The following KCNJ15 variants were observed in gnomAD, a reference collection of about 807,000 sequenced individuals.
KCNJ15 encodes potassium inwardly rectifying channel subfamily J member 15.
Under a neutral mutation model 23.0 loss-of-function variants are expected in KCNJ15, and 14 were observed. That is an observed-to-expected ratio of 0.61 (90% CI 0.40 to 0.95). The LOEUF is 0.95. Ranked by LOEUF, KCNJ15 falls within the 40% of genes least tolerant of loss-of-function variation. KCNJ15 has a pLI of 0.00. For missense variants in KCNJ15, 388 were observed against 461.8 expected (o/e 0.84, Z 1.46); for synonymous variants, 185 against 183.2 (o/e 1.01, Z -0.08).
intron 1 of KCNJ15, among the ~76,000 whole-genome samples, chr21:38,240,269 CA>C (rs1978904147): frequency 6.6e-6 from 1 of 152,080 alleles, no homozygotes; most frequent in Non-Finnish European, 1.5e-5. Context: ...AGAATAAAAA[CA>C]AGGAGGAATT....
intron 1 of KCNJ15, chr21:38,238,093 G>A: frequency 3.0e-6 from 1 of 334,524 alleles, no homozygotes; most frequent in Non-Finnish European, 5.8e-6. Flanking sequence ...AAGGGAGGCA[G>A]TGAGTATGGC....
chr21:38,253,401 CTAT>C (rs1288911954), upstream of KCNJ15, among the ~76,000 whole-genome samples: 2 of 152,098 alleles, frequency 1.3e-5, no homozygotes, highest in East Asian at 3.9e-4. Flanking sequence ...CAAGACTCAC[CTAT>C]ATTCCAAGGA....
intron 1 of KCNJ15, among the ~76,000 whole-genome samples, chr21:38,258,057 TTACCTG>T (rs948371569): frequency 1.3e-5 from 2 of 152,190 alleles, no homozygotes; most frequent in African/African-American, 2.4e-5. Flanking sequence ...TTTTTCCCCT[TTACCTG>T]TAAGAGGGAT....
intron 1 of KCNJ15, among the ~76,000 whole-genome samples, chr21:38,234,959 G>A (rs996034868): frequency 3.9e-5 from 6 of 152,204 alleles, no homozygotes; most frequent in Non-Finnish European, 8.8e-5. Flanking sequence ...GGTTGGGTGT[G>A]TTGCTAGATC....
chr21:38,249,733 G>A (rs1979697550), intron 1 of KCNJ15, among the ~76,000 whole-genome samples: 1 of 152,142 alleles, frequency 6.6e-6, no homozygotes, highest in Non-Finnish European at 1.5e-5. Context: ...AGACAGTCAA[G>A]GAGAAGAAAA....
chr21:38,264,682 T>C (rs574996221), intron 1 of KCNJ15, among the ~76,000 whole-genome samples: 1 of 152,336 alleles, frequency 6.6e-6, no homozygotes, highest in East Asian at 1.9e-4. Flanking sequence ...TTTGAAAATA[T>C]GTGTATGTGA....
At chr21:38,277,174 C>T (rs1982805989) in intron 1 of KCNJ15, among the ~76,000 whole-genome samples, 1 of 152,032 alleles carries the variant, frequency 6.6e-6, no homozygotes, top group Non-Finnish European at 1.5e-5. Context: ...TAAGACTCGG[C>T]ATCTTTGATT....
intron 1 of KCNJ15, among the ~76,000 whole-genome samples, chr21:38,285,264 G>A (rs192167530): frequency 1.6e-4 from 25 of 152,130 alleles, no homozygotes; most frequent in African/African-American, 5.8e-4. Context: ...TTTATTTGTC[G>A]TATGCATATG....
intron 1 of KCNJ15, among the ~76,000 whole-genome samples, chr21:38,240,374 A>G (rs1449346080): frequency 6.6e-6 from 1 of 152,236 alleles, no homozygotes; most frequent in African/African-American, 2.4e-5. Flanking sequence ...ATGGTTAAAA[A>G]GTAGCTAGGA....
chr21:38,255,175 T>C (rs1303670899), upstream of KCNJ15, among the ~76,000 whole-genome samples: 2 of 152,140 alleles, frequency 1.3e-5, no homozygotes, highest in Non-Finnish European at 2.9e-5. Context: ...CCAGATCAGA[T>C]AAGGACCTCC....
chr21:38,268,462 CT>C (rs1981697553), intron 1 of KCNJ15, among the ~76,000 whole-genome samples: 2 of 141,720 alleles, frequency 1.4e-5, no homozygotes, highest in African/African-American at 5.1e-5. Flanking sequence ...CCTAAATTTT[CT>C]TAGCAAAAGT....
At chr21:38,256,314 A>G (rs928712247), upstream of KCNJ15, among the ~76,000 whole-genome samples, 4 of 147,730 alleles carry the variant, frequency 2.7e-5, no homozygotes, top group Non-Finnish European at 5.9e-5. Flanking sequence ...CCGAAGCCCA[A>G]TTTCCATGAT....
intron 1 of KCNJ15, among the ~76,000 whole-genome samples, chr21:38,269,581 A>G (rs1456822185): frequency 6.6e-6 from 1 of 152,226 alleles, no homozygotes; most frequent in East Asian, 1.9e-4. Context: ...AAGAAAATCA[A>G]CTTGGCATGC....
chr21:38,275,862 A>G (rs940031670), intron 1 of KCNJ15, among the ~76,000 whole-genome samples: 1 of 151,836 alleles, frequency 6.6e-6, no homozygotes, highest in African/African-American at 2.4e-5. Context: ...TTTTTTTCCT[A>G]CAGAAAACAC....
chr21:38,262,869 G>T (rs1353430998), intron 1 of KCNJ15, among the ~76,000 whole-genome samples: 1 of 151,920 alleles, frequency 6.6e-6, no homozygotes, highest in Non-Finnish European at 1.5e-5. Flanking sequence ...GTAGAGATGG[G>T]GTTTCACCAT....
chr21:38,241,783 A>G (rs1340375776), intron 1 of KCNJ15, among the ~76,000 whole-genome samples: 7 of 151,960 alleles, frequency 4.6e-5, no homozygotes, highest in East Asian at 3.9e-4. Flanking sequence ...TCTGGGCAAC[A>G]TGGTGAAACC....
intron 1 of KCNJ15, among the ~76,000 whole-genome samples, chr21:38,261,925 C>A (rs748175364): frequency 2.0e-5 from 3 of 152,162 alleles, no homozygotes; most frequent in Non-Finnish European, 4.4e-5. Flanking sequence ...TTTCTATTAA[C>A]GCTGTTTCCA....
At chr21:38,258,719 T>C (rs1261608006) in intron 1 of KCNJ15, among the ~76,000 whole-genome samples, 1 of 152,234 alleles carries the variant, frequency 6.6e-6, no homozygotes, top group African/African-American at 2.4e-5. Context: ...GGAAAACACA[T>C]TTTTCTAAAA....
intron 1 of KCNJ15, among the ~76,000 whole-genome samples, chr21:38,274,256 T>C (rs1982411827): frequency 6.6e-6 from 1 of 152,226 alleles, no homozygotes; most frequent in Admixed American, 6.5e-5. Flanking sequence ...CTTCATCTCT[T>C]GTTGCCTCTC....
Sources: allele counts gnomAD v4.1 joint callset (sites outside exome capture counted in the v4.1 genomes callset), GRCh38; gene constraint gnomAD v4.1.1; transcripts MANE v1.5; gene names NCBI Gene and HGNC (gene_info 2026-07-23, HGNC 2026-07-21).